Variants in AGMO observed in about 807,000 individuals in gnomAD.
AGMO encodes glyceryl-ether monooxygenase.
AGMO carries 75 observed loss-of-function variants against 60.2 expected under a neutral mutation model. The ratio of observed to expected loss-of-function variants is 1.25; its 90% CI spans 1.03 to 1.51. AGMO has a LOEUF of 1.51. AGMO is among the 40% of genes most tolerant of loss of function. AGMO has a pLI of 0.00. For missense variants in AGMO, 763 were observed against 525.5 expected (o/e 1.45, Z -4.42); for synonymous variants, 261 against 177.1 (o/e 1.47, Z -3.76).
chr7:15,419,163 A>T (rs1271883207), intron 4 of AGMO, among the ~76,000 whole-genome samples: 1 of 151,902 alleles, frequency 6.6e-6, no homozygotes, highest in Non-Finnish European at 1.5e-5. Flanking sequence ...TTGATTGATG[A>T]CATCATATCT....
At chr7:15,495,082 T>A (rs1783186563) in intron 3 of AGMO, among the ~76,000 whole-genome samples, 1 of 152,246 alleles carries the variant, frequency 6.6e-6, no homozygotes, top group Admixed American at 6.5e-5. Flanking sequence ...ATTTGTTTGC[T>A]TTAGCAAATA....
intron 12 of AGMO, among the ~76,000 whole-genome samples, chr7:15,244,471 C>A (rs895831835): frequency 6.6e-6 from 1 of 152,160 alleles, no homozygotes; most frequent in Non-Finnish European, 1.5e-5. Context: ...CTCCTAATCC[C>A]TCCCATTAGG....
intron 12 of AGMO, among the ~76,000 whole-genome samples, chr7:15,229,270 G>A (rs550946345): frequency 6.6e-6 from 1 of 151,806 alleles, no homozygotes; most frequent in African/African-American, 2.4e-5. Context: ...ATAACCAGAG[G>A]GAGTATATAC....
At chr7:15,439,897 C>T (rs1269065080) in intron 3 of AGMO, among the ~76,000 whole-genome samples, 1 of 152,140 alleles carries the variant, frequency 6.6e-6, no homozygotes, top group African/African-American at 2.4e-5. Context: ...ATGAGACCCC[C>T]CGACCCTGTC....
At chr7:15,524,611 C>G (rs576486947) in intron 3 of AGMO, among the ~76,000 whole-genome samples, 29 of 152,176 alleles carry the variant, frequency 1.9e-4, no homozygotes, top group African/African-American at 6.5e-4. Context: ...GCCTGTAATC[C>G]TAGCACTTTG....
rs1012263469 is a variant in AGMO, at chr7:15,317,965, T to C, written c.1263+47549A>G. Among the ~76,000 whole-genome samples the C allele has an allele frequency of 1.2e-4, 16 of 138,322 alleles. 1 individual carries two copies. Among genetic ancestry groups the C allele is most frequent in the South Asian group, 2.2e-4 (1 of 4,450 alleles). The allele number at this position is 138,322 out of a possible 152,430, so 90.7% of individuals were successfully genotyped here. A position where few individuals can be genotyped will look rare whatever the true frequency, so the allele number is the denominator to read the frequency against. ...TACACACACACACACTATATATATA[T>C]ATACACACACACGTATATATATATA... On this transcript the variant is annotated intron_variant, in intron 12 of 12. Transcript: ENST00000342526.
intron 12 of AGMO, among the ~76,000 whole-genome samples, chr7:15,351,840 T>G (rs1259470165): frequency 6.6e-6 from 1 of 152,212 alleles, no homozygotes; most frequent in Admixed American, 6.5e-5. Flanking sequence ...TCTGTTTAAA[T>G]GAATCATTGA....
the AGMO span, among the ~76,000 whole-genome samples, chr7:15,135,579 T>C: frequency 6.6e-6 from 1 of 152,214 alleles, no homozygotes; most frequent in African/African-American, 2.4e-5. Context: ...ATCTGTAGTT[T>C]TATAAATATT....
chr7:15,209,326 T>C (rs1425066395), intron 12 of AGMO, among the ~76,000 whole-genome samples: 2 of 152,126 alleles, frequency 1.3e-5, no homozygotes, highest in African/African-American at 2.4e-5. Context: ...ATTTTTAGTG[T>C]GCTGTTAAAC....
At chr7:15,293,368 T>C (rs367877873) in intron 12 of AGMO, among the ~76,000 whole-genome samples, 2 of 152,220 alleles carry the variant, frequency 1.3e-5, no homozygotes, top group African/African-American at 2.4e-5. Context: ...GTGTTGCTGA[T>C]AGATTTCAGC....
At chr7:15,120,659 C>A in the AGMO span, among the ~76,000 whole-genome samples, 1 of 152,168 alleles carries the variant, frequency 6.6e-6, no homozygotes, top group East Asian at 1.9e-4. Context: ...ACTTGGACTC[C>A]CCACCCTCCA....
chr7:15,142,910 C>T, the AGMO span, among the ~76,000 whole-genome samples: 7 of 152,158 alleles, frequency 4.6e-5, no homozygotes, highest in African/African-American at 9.7e-5. Context: ...CTCACAACCA[C>T]GTTATGGAAT....
intron 3 of AGMO, among the ~76,000 whole-genome samples, chr7:15,500,291 A>G (rs377087157): frequency 1.2e-4 from 19 of 152,050 alleles, no homozygotes; most frequent in Middle Eastern, 3.4e-3. Flanking sequence ...TCAATGGACA[A>G]AAAGAGCCAC....
chr7:15,418,576 T>C lies in AGMO; in HGVS notation c.591A>G (p.Gln197=). The C allele has an allele frequency of 6.3e-7, 1 of 1,590,018 alleles. No homozygotes were observed. The highest frequency in any genetic ancestry group is 1.4e-5 in the African/African-American group (1 of 72,856). The change falls in exon 5 of 13, where the codon CAA becomes CAG. Residue 197 remains glutamine, a synonymous_variant. Coordinates refer to ENST00000342526, the MANE Select transcript of AGMO (RefSeq NM_001004320.2). The stretch of plus-strand genomic sequence containing the variant: ...GTTTTACCTCTGTATGGATCCAAAA[T>C]TGGTAAAGAAGATTGAATTGAAGAT... ...AVHLQFNLLY[Q]FWIHTEVINN...
chr7:15,312,316 G>C (rs1411950581), intron 12 of AGMO, among the ~76,000 whole-genome samples: 2 of 152,062 alleles, frequency 1.3e-5, no homozygotes, highest in Non-Finnish European at 2.9e-5. Context: ...CCAAGCCTAA[G>C]TACATAATAT....
intron 10 of AGMO, among the ~76,000 whole-genome samples, chr7:15,381,250 G>C (rs1783671462): frequency 6.6e-6 from 1 of 152,080 alleles, no homozygotes; most frequent in South Asian, 2.1e-4. Flanking sequence ...ACAACCTACA[G>C]AATGGGAGAA....
intron 3 of AGMO, among the ~76,000 whole-genome samples, chr7:15,455,357 C>T (rs1209458379): frequency 6.6e-6 from 1 of 151,986 alleles, no homozygotes; most frequent in African/African-American, 2.4e-5. Flanking sequence ...CAAATATATC[C>T]ACAGTCTATG....
At chr7:15,240,713 A>C (rs548205258) in intron 12 of AGMO, among the ~76,000 whole-genome samples, 7 of 152,290 alleles carry the variant, frequency 4.6e-5, no homozygotes, top group African/African-American at 1.7e-4. Context: ...TATAATCTAT[A>C]GGGCAATTTT....
intron 6 of AGMO, among the ~76,000 whole-genome samples, chr7:15,391,202 A>G (rs1276411052): frequency 1.3e-5 from 2 of 152,110 alleles, no homozygotes; most frequent in Non-Finnish European, 2.9e-5. Flanking sequence ...CAGGACCATT[A>G]AAGAATAAAA....
Sources: gnomAD v4.1 joint callset for allele counts (sites outside exome capture counted in the v4.1 genomes callset) on GRCh38, gnomAD v4.1.1 for gene constraint, MANE v1.5 for transcripts, NCBI Gene and HGNC (gene_info 2026-07-23, HGNC 2026-07-21) for gene names.